DOCK10: variants seen among roughly 807,000 people sequenced by gnomAD.
The protein encoded by DOCK10 is dedicator of cytokinesis protein 10.
A neutral mutation model predicts 280.1 loss-of-function variants in DOCK10; 145 were observed. That is an observed-to-expected ratio of 0.52 (90% CI 0.45 to 0.59). The LOEUF (loss-of-function observed/expected upper bound fraction) is 0.59. DOCK10 is among the 20% of genes least tolerant of loss of function. The pLI is 0.00. For missense variants in DOCK10, 2,368 were observed against 2,651.7 expected, an observed-to-expected ratio of 0.89 and a Z score of 2.35; for synonymous variants, 915 against 942.2, an observed-to-expected ratio of 0.97 and a Z score of 0.53.
chr2:224,793,167 G>A (rs903393185), intron 46 of DOCK10, 95 bp from the exon 47 acceptor site: 94 of 995,656 alleles, frequency 9.4e-5, no homozygotes, highest in Middle Eastern at 9.0e-4. Context: ...ATGCATTCTC[G>A]TTTTGAACTA....
intron 27 of DOCK10, among the ~76,000 whole-genome samples, chr2:224,829,844 G>A (rs1695104453): frequency 6.6e-6 from 1 of 152,174 alleles, no homozygotes; most frequent in Non-Finnish European, 1.5e-5. Context: ...GGAAGGGGCT[G>A]TAATTAATTC....
chr2:224,841,946 T>C, intron 22 of DOCK10, 50 bp from the exon 23 acceptor site: 1 of 1,353,944 alleles, frequency 7.4e-7, no homozygotes, highest in East Asian at 2.3e-5. Context: ...GTAAACCGTG[T>C]TACAAACACA....
At chr2:224,859,726 C>T (rs561956140) in intron 14 of DOCK10, among the ~76,000 whole-genome samples, 103 of 152,218 alleles carry the variant, frequency 6.8e-4, no homozygotes, top group Non-Finnish European at 1.2e-3. Flanking sequence ...ATCTACACTG[C>T]GAAACAAACT....
At chr2:224,925,801 C>T (rs1702016261) in intron 2 of DOCK10, among the ~76,000 whole-genome samples, 1 of 152,200 alleles carries the variant, frequency 6.6e-6, no homozygotes, top group African/African-American at 2.4e-5. Flanking sequence ...ATCTTTTGCT[C>T]AGGAAGAAAC....
chr2:225,031,618 T>C (rs1242719700), intron 1 of DOCK10, among the ~76,000 whole-genome samples: 1 of 152,136 alleles, frequency 6.6e-6, no homozygotes, highest in East Asian at 1.9e-4. Flanking sequence ...TTCCTGCTGC[T>C]TTTTCAAAGG....
At chr2:224,922,118 TCA>T (rs1491218467) in intron 2 of DOCK10, among the ~76,000 whole-genome samples, 2 of 48,828 alleles carry the variant, frequency 4.1e-5, no homozygotes, top group African/African-American at 9.1e-5. Context: ...AAACTCCATC[TCA>T]AAAAAAAAAA....
At chr2:225,023,815 A>T (rs1371414878) in intron 1 of DOCK10, among the ~76,000 whole-genome samples, 1 of 152,222 alleles carries the variant, frequency 6.6e-6, no homozygotes, top group Non-Finnish European at 1.5e-5. Flanking sequence ...GTTTCAAGAA[A>T]GTATCATCAC....
At chr2:224,815,496 G>A (rs915780215) in intron 30 of DOCK10, among the ~76,000 whole-genome samples, 9 of 151,074 alleles carry the variant, frequency 6.0e-5, no homozygotes, top group African/African-American at 7.3e-5. Flanking sequence ...TCAGAACAAC[G>A]TAAACACCTT....
rs1192114076 is a variant in DOCK10, at chr2:224,916,763, T to C, written c.265A>G (p.Ile89Val). The change falls in exon 3 of 56, where the codon ATC becomes GTC. Residue 89 changes from isoleucine to valine, a missense_variant. This residue lies in a region of DOCK10 where 1,209 missense variants were observed against 1,250.9 expected (regional missense o/e 0.97). Transcript: ENST00000258390. Reference protein sequence around the residue: ...DFSAATVSWDIRTLYSTVPED... With the variant: ...DFSAATVSWDVRTLYSTVPED... ...GGTACTGTTGAGTACAACGTGCGGA[T>C]ATCCCAGGAAACTGTGGCTGCCTGA... 1 of 1,610,638 alleles carries C rather than the reference T, an allele frequency of 6.2e-7. No individual in the cohort carries two copies. The highest frequency in any genetic ancestry group is 8.5e-7 in the Non-Finnish European group (1 of 1,178,362).
At chr2:225,007,462 G>C (rs75777541) in intron 1 of DOCK10, among the ~76,000 whole-genome samples, 1,719 of 152,236 alleles carry the variant, frequency 0.011, 29 homozygotes, top group African/African-American at 0.039. Context: ...TGCAAGTTAA[G>C]TCTAAGAAGT....
At chr2:224,864,469 C>A in intron 13 of DOCK10, 84 bp downstream of exon 13, 1 of 1,332,132 alleles carries the variant, frequency 7.5e-7, no homozygotes, top group South Asian at 1.6e-5. Context: ...GCGATTGTGC[C>A]ACTGCACTCC....
chr2:224,918,929 T>G (rs891488998), intron 2 of DOCK10, among the ~76,000 whole-genome samples: 2 of 146,958 alleles, frequency 1.4e-5, no homozygotes, highest in Admixed American at 6.8e-5. Context: ...ATGTGTGGTG[T>G]GTATGTGTGG....
intron 27 of DOCK10, among the ~76,000 whole-genome samples, chr2:224,827,034 G>T (rs1694913867): frequency 6.6e-6 from 1 of 151,906 alleles, no homozygotes; most frequent in Non-Finnish European, 1.5e-5. Flanking sequence ...AGGCTGAGGT[G>T]GGTGGATCAC....
At chr2:224,879,328 G>T (rs1239127021) in intron 7 of DOCK10, among the ~76,000 whole-genome samples, 2 of 152,136 alleles carry the variant, frequency 1.3e-5, no homozygotes, top group Non-Finnish European at 2.9e-5. Flanking sequence ...GACGAAGAAG[G>T]GCTACAAAAT....
At chr2:224,906,772 C>A (rs918670168) in intron 3 of DOCK10, among the ~76,000 whole-genome samples, 4 of 152,230 alleles carry the variant, frequency 2.6e-5, no homozygotes, top group African/African-American at 9.6e-5. Flanking sequence ...AGTCACCGCA[C>A]CCGGCCTTGT....
intron 18 of DOCK10, 85 bp downstream of exon 18, chr2:224,852,292 C>G (rs1384342410): frequency 4.0e-6 from 4 of 1,012,608 alleles, no homozygotes; most frequent in Non-Finnish European, 6.0e-6. Flanking sequence ...CAACCACACT[C>G]ACATAAAAAG....
At chr2:224,774,826 G>T in intron 52 of DOCK10, 79 bp downstream of exon 52, 1 of 1,324,712 alleles carries the variant, frequency 7.5e-7, no homozygotes, top group Non-Finnish European at 1.1e-6. Context: ...AATAACTCTT[G>T]ATTCCTACTG....
At chr2:224,893,678 T>G (rs770926612) in intron 4 of DOCK10, 21 of 451,306 alleles carry the variant, frequency 4.7e-5, no homozygotes, top group Non-Finnish European at 8.1e-5. Context: ...AGTGAAAATC[T>G]TAAGAGTCAA....
chr2:224,941,745 G>A (rs1164412693), intron 1 of DOCK10, among the ~76,000 whole-genome samples: 5 of 151,746 alleles, frequency 3.3e-5, no homozygotes, highest in Non-Finnish European at 2.9e-5. Flanking sequence ...TCGAGAGACC[G>A]AGGCAGGAGA....
Sources: gnomAD v4.1 joint callset for allele counts (sites outside exome capture counted in the v4.1 genomes callset) on GRCh38, gnomAD v4.1.1 for gene constraint, gnomAD v4.1.1 regional missense constraint, MANE v1.5 for transcripts, NCBI Gene and HGNC (gene_info 2026-07-23, HGNC 2026-07-21) for gene names.